RAI1: variants seen among roughly 807,000 people sequenced by gnomAD.
RAI1 encodes the protein retinoic acid-induced protein 1.
RAI1 carries 9 observed loss-of-function variants against 123.8 expected under a neutral mutation model. That is an observed-to-expected ratio of 0.07 (90% CI 0.04 to 0.13). The LOEUF (loss-of-function observed/expected upper bound fraction) is 0.13, where lower values mean the gene tolerates loss of function less well. Among genes scored for constraint, RAI1 ranks in the 10% least tolerant of loss-of-function variants. RAI1 has a pLI of 1.00. For missense variants in RAI1, 2,256 were observed against 2,545.8 expected (o/e 0.89, Z 2.45); for synonymous variants, 1,231 against 1,127.3 (o/e 1.09, Z -1.84).
chr17:17,737,916 C>T (rs1916489429), intron 2 of RAI1, among the ~76,000 whole-genome samples: 1 of 152,222 alleles, frequency 6.6e-6, no homozygotes, highest in Admixed American at 6.5e-5. Context: ...GTGATCCAGC[C>T]TCAGAAGTGT....
In RAI1 at chr17:17,801,165, A is replaced by G. The variant is rs2032449064; in HGVS notation, c.5566-2591A>G. ...GAACTGCCCTCGCCTGCTATCTCTGAGCCCTGCCTGCCCTTCCCCCAAAGC... is the reference window on the plus strand; with the variant it reads ...GAACTGCCCTCGCCTGCTATCTCTGGGCCCTGCCTGCCCTTCCCCCAAAGC... On this transcript the variant is annotated intron_variant, in intron 3 of 5. Transcript: ENST00000353383. The surrounding 1 kb of genome is among the most constrained non-coding windows in gnomAD (Gnocchi z 4.1). Among the ~76,000 whole-genome samples, 1 of 152,042 alleles carries G rather than the reference A, an allele frequency of 6.6e-6. No homozygotes were observed. Among genetic ancestry groups the G allele is most frequent in the Non-Finnish European group, 1.5e-5 (1 of 67,988 alleles).
chr17:17,809,584 C>A lies in RAI1; in HGVS notation c.5709+145C>A. ...TAGGGGAGGGAGCTCTCCCCGCCCACCCCCAGGAGCCCCCGCCGCCGTCCA... is the reference window on the plus strand; with the variant it reads ...TAGGGGAGGGAGCTCTCCCCGCCCAACCCCAGGAGCCCCCGCCGCCGTCCA... On this transcript the variant is annotated intron_variant, in intron 5 of 5. Coordinates refer to ENST00000353383, the MANE Select transcript of RAI1 (RefSeq NM_030665.4). The surrounding 1 kb of genome is among the most constrained non-coding windows in gnomAD (Gnocchi z 4.9). 3.6e-6 allele frequency: 3 copies of A among 843,966 alleles called. No homozygotes were observed. The highest frequency in any genetic ancestry group is 5.5e-6 in the Non-Finnish European group (3 of 543,796). The allele number at this position is 843,966 out of a possible 1,614,324, so 52.3% of individuals were successfully genotyped here.
chr17:17,693,837 C>G lies in RAI1; in HGVS notation c.-149+12044C>G, dbSNP rs527640023. ...GCCATTGCTCTGGGCCAGAGATCGG[C>G]GGCTGGACCAGCCCGGGCTGGGCGG... On this transcript the variant is annotated intron_variant, in intron 1 of 5. Coordinates refer to ENST00000353383, the MANE Select transcript of RAI1 (RefSeq NM_030665.4). Among the ~76,000 whole-genome samples the G allele has an allele frequency of 5.4e-4, 82 of 152,300 alleles. 2 individuals are homozygous for G. In the South Asian group the frequency reaches 0.016, roughly 30 times the overall value.
intron 3 of RAI1, among the ~76,000 whole-genome samples, chr17:17,802,401 C>T (rs754204969): frequency 1.6e-4 from 25 of 152,238 alleles, no homozygotes; most frequent in Non-Finnish European, 3.2e-4. Flanking sequence ...TGCTGAATGC[C>T]TTCACTGTTG....
At chr17:17,774,012 T>C (rs911471929) in intron 2 of RAI1, among the ~76,000 whole-genome samples, 2 of 152,232 alleles carry the variant, frequency 1.3e-5, no homozygotes, top group Non-Finnish European at 2.9e-5. Flanking sequence ...TTACCTACTA[T>C]AGTGCTTCTG....
intron 2 of RAI1, among the ~76,000 whole-genome samples, chr17:17,787,734 C>T (rs922937178): frequency 6.6e-6 from 1 of 152,158 alleles, no homozygotes; most frequent in African/African-American, 2.4e-5. Context: ...GAGAGCAGGG[C>T]ACAGCTTTAG....
chr17:17,687,373 C>T (rs1164341624), intron 1 of RAI1, among the ~76,000 whole-genome samples: 2 of 152,124 alleles, frequency 1.3e-5, no homozygotes, highest in Non-Finnish European at 2.9e-5. Flanking sequence ...ACTGCTCTTG[C>T]ACTGATGGTC....
chr17:17,804,467 C>T (rs1159838678), intron 4 of RAI1, among the ~76,000 whole-genome samples: 1 of 152,246 alleles, frequency 6.6e-6, no homozygotes, highest in Non-Finnish European at 1.5e-5. Flanking sequence ...AATGACCGTG[C>T]ATGGGCTGGA....
chr17:17,731,941 G>A (rs1394559253), intron 2 of RAI1, among the ~76,000 whole-genome samples: 1 of 152,112 alleles, frequency 6.6e-6, no homozygotes, highest in Non-Finnish European at 1.5e-5. Flanking sequence ...GCACAGAGAG[G>A]GAGGAACAGT....
At chr17:17,782,959 C>T (rs547638694) in intron 2 of RAI1, among the ~76,000 whole-genome samples, 62 of 152,276 alleles carry the variant, frequency 4.1e-4, no homozygotes, top group South Asian at 6.2e-4. Context: ...GCGGCAGCCC[C>T]GGCCTCATTT....
At chr17:17,757,413 C>T (rs187970564) in intron 2 of RAI1, among the ~76,000 whole-genome samples, 3 of 152,314 alleles carry the variant, frequency 2.0e-5, no homozygotes, top group Non-Finnish European at 4.4e-5. Flanking sequence ...CTTCTACAGA[C>T]CAGTTCAATT....
rs750331667 is a variant in RAI1, at chr17:17,797,222, A to G, written c.4274A>G (p.Lys1425Arg). The G allele has an allele frequency of 1.2e-6, 2 of 1,613,752 alleles. No homozygotes were observed. Among genetic ancestry groups the G allele is most frequent in the Non-Finnish European group, 1.7e-6 (2 of 1,180,046 alleles). Residue 1425 changes from lysine to arginine, a missense_variant, in exon 3 of 6, where the codon AAA becomes AGA. By Grantham distance (26) the Lys-to-Arg change is conservative. Coordinates refer to ENST00000353383, the MANE Select transcript of RAI1 (RefSeq NM_030665.4). ...AAACTGTCTTCTACTGACTGTTTCA[A>G]AACCGAGGCCTTCACATCCCCGGAG... ...SKKLSSTDCF[K>R]TEAFTSPEAL...
At position 17,800,190 on chromosome 17, in the gene RAI1, C is replaced by CTCTCTCTG. The variant is rs1567932555; in HGVS notation, c.5565+1684_5565+1685insGTCTCTCT. On this transcript the variant is annotated intron_variant, in intron 3 of 5. Transcript: ENST00000353383. The surrounding 1 kb of genome is among the most constrained non-coding windows in gnomAD (Gnocchi z 4.7). ...TTTCTGTCTCTCTCTGTCTCTCTCT[C>CTCTCTCTG]TCTCTCTCTCTCTCTCTCTCTCTCT... Among the ~76,000 whole-genome samples the CTCTCTCTG allele has an allele frequency of 5.6e-3, 77 of 13,802 alleles. 2 individuals are homozygous for CTCTCTCTG. Among genetic ancestry groups the CTCTCTCTG allele is most frequent in the Non-Finnish European group, 0.016 (45 of 2,762 alleles). 9.1% of individuals were successfully genotyped at this position (13,802 alleles called of 152,430 possible). A position where few individuals can be genotyped will look rare whatever the true frequency, so the allele number is the denominator to read the frequency against.
intron 2 of RAI1, among the ~76,000 whole-genome samples, chr17:17,751,259 T>C (rs1366777610): frequency 2.6e-5 from 4 of 152,138 alleles, no homozygotes; most frequent in Non-Finnish European, 5.9e-5. Flanking sequence ...TTGGTCGGGC[T>C]TTGAAGGCTA....
intron 1 of RAI1, among the ~76,000 whole-genome samples, chr17:17,699,909 G>A (rs58713387): frequency 0.032 from 4,836 of 152,248 alleles, 118 homozygotes; most frequent in African/African-American, 0.067. Flanking sequence ...CCAGACTGTC[G>A]AGGTTCAAAG....
chr17:17,721,086 C>T (rs937498740), intron 1 of RAI1, among the ~76,000 whole-genome samples: 2 of 152,122 alleles, frequency 1.3e-5, no homozygotes, highest in African/African-American at 4.8e-5. Context: ...ACTCACTGAG[C>T]GACCTGGAAT....
At position 17,809,145 on chromosome 17, in the gene RAI1, G is replaced by A. The variant is rs4032534; in HGVS notation, c.5660-245G>A. The stretch of plus-strand genomic sequence containing the variant: ...GAGGAGGGGCGGCACGTGGAACTCA[G>A]GGGGAAAAGCTCTCCGCGGAGGAGG... On this transcript the variant is annotated intron_variant, in intron 4 of 5. Transcript: ENST00000353383. This position sits in a 1 kb window ranked among gnomAD's most constrained non-coding sequence, Gnocchi z 4.9. 2 of 590,622 alleles carry A rather than the reference G, an allele frequency of 3.4e-6. No homozygotes were observed. Among genetic ancestry groups the A allele is most frequent in the Non-Finnish European group, 6.1e-6 (2 of 326,200 alleles). The allele number at this position is 590,622 out of a possible 1,614,324, so 36.6% of individuals were successfully genotyped here. A position where few individuals can be genotyped will look rare whatever the true frequency, so the allele number is the denominator to read the frequency against.
chr17:17,719,064 TCGGCC>T (rs1290159236), intron 1 of RAI1, among the ~76,000 whole-genome samples: 1 of 152,168 alleles, frequency 6.6e-6, no homozygotes, highest in East Asian at 1.9e-4. Flanking sequence ...CCCCTTCTCA[TCGGCC>T]CCACCCTGGC....
Position 17,799,613 on chromosome 17 carries a change from C to T in RAI1, c.5565+1100C>T, listed in dbSNP as rs1291413936. ...CTCTGGCCCCTGCCCTGAGTCCCAT[C>T]CCCTCCACTCCTTCCTTCAACCCAC... On this transcript the variant is annotated intron_variant, in intron 3 of 5. Coordinates refer to ENST00000353383, the MANE Select transcript of RAI1 (RefSeq NM_030665.4). The surrounding 1 kb of genome is among the most constrained non-coding windows in gnomAD (Gnocchi z 4.5). Among the ~76,000 whole-genome samples, 2 of 152,186 alleles carry T rather than the reference C, an allele frequency of 1.3e-5. No individual in the cohort carries two copies. Among genetic ancestry groups the T allele is most frequent in the African/African-American group, 4.8e-5 (2 of 41,450 alleles).
Sources: allele counts gnomAD v4.1 joint callset (sites outside exome capture counted in the v4.1 genomes callset), GRCh38; gene constraint gnomAD v4.1.1; non-coding constraint Gnocchi (gnomAD v3.1); transcripts MANE v1.5; gene names NCBI Gene and HGNC (gene_info 2026-07-23, HGNC 2026-07-21).